The following TLN2 variants were observed in gnomAD, a reference collection of about 807,000 sequenced individuals.
TLN2 encodes the protein talin-2.
TLN2 carries 118 observed loss-of-function variants against 294.7 expected under a neutral mutation model. The observed-to-expected ratio is 0.40, with a 90% CI of 0.34 to 0.47. The LOEUF is 0.47. Among genes scored for constraint, TLN2 ranks in the 20% least tolerant of loss-of-function variants. The pLI is 0.84. For synonymous variants in TLN2, 1,431 were observed against 1,304.5 expected (o/e 1.10, Z -2.09); for missense variants, 3,083 against 3,282.2 (o/e 0.94, Z 1.48).
chr15:62,662,014 GTAATT>G (rs1384957288), intron 9 of TLN2, among the ~76,000 whole-genome samples: 2 of 152,038 alleles, frequency 1.3e-5, no homozygotes, highest in African/African-American at 4.8e-5. Flanking sequence ...TTTTAGTAAA[GTAATT>G]TAACATACTT....
chr15:62,549,170 T>C (rs2042151169), intron 1 of TLN2, among the ~76,000 whole-genome samples: 1 of 152,160 alleles, frequency 6.6e-6, no homozygotes, highest in African/African-American at 2.4e-5. Flanking sequence ...AGGGAGACCT[T>C]TCCTTCTTCC....
rs540176486 is a variant in TLN2 at position 62,524,936 on chromosome 15, G to A, written c.-237-64751G>A. 4.6e-5 allele frequency among the ~76,000 whole-genome samples: 7 copies of A among 152,284 alleles called. 1 individual carries two copies. The South Asian group carries it at 1.5e-3, about 32-fold the overall frequency. ...TCATTTTGCACTCAAGGGGAAAAAG[G>A]TCCATAAAGTTAGAATGATTTACCT... On this transcript the variant is annotated intron_variant, in intron 1 of 58. Coordinates refer to ENST00000636159, the MANE Select transcript of TLN2 (RefSeq NM_015059.3).
At chr15:62,465,104 G>GTTTTTTTTT (rs57890839) in intron 1 of TLN2, among the ~76,000 whole-genome samples, 7 of 85,514 alleles carry the variant, frequency 8.2e-5, no homozygotes, top group Admixed American at 1.6e-4. Flanking sequence ...TGGTGAGCGC[G>GTTTTTTTTT]TTTTTTTTTT....
chr15:62,575,434 T>C (rs986365229), intron 1 of TLN2, among the ~76,000 whole-genome samples: 1 of 152,216 alleles, frequency 6.6e-6, no homozygotes, highest in Non-Finnish European at 1.5e-5. Context: ...TCAGAATCAG[T>C]GTAAATCACT....
At chr15:62,734,322 A>C (rs1292071528) in intron 28 of TLN2, among the ~76,000 whole-genome samples, 2 of 152,226 alleles carry the variant, frequency 1.3e-5, no homozygotes, top group African/African-American at 4.8e-5. Flanking sequence ...ATGGGAAGAC[A>C]AGAGGAGAGG....
At chr15:62,808,739 A>T (rs2066468843) in intron 51 of TLN2, among the ~76,000 whole-genome samples, 1 of 152,198 alleles carries the variant, frequency 6.6e-6, no homozygotes, top group African/African-American at 2.4e-5. Context: ...GCACAGGGGT[A>T]TGAGGATGAA....
At chr15:62,647,707 A>G (rs1477901097) in intron 4 of TLN2, among the ~76,000 whole-genome samples, 2 of 152,238 alleles carry the variant, frequency 1.3e-5, no homozygotes, top group Admixed American at 6.5e-5. Flanking sequence ...TGCGGTTTAC[A>G]GATCACATTC....
chr15:62,738,149 C>T, intron 29 of TLN2, 65 bp from the exon 30 acceptor site: 1 of 1,575,142 alleles, frequency 6.3e-7, no homozygotes, highest in Non-Finnish European at 8.7e-7. Flanking sequence ...GTTTCACTGC[C>T]CATTCCCAAC....
At chr15:62,716,284 G>A (rs2059768081) in intron 22 of TLN2, 47 bp from the exon 23 acceptor site, 1 of 1,501,746 alleles carries the variant, frequency 6.7e-7, no homozygotes, top group Non-Finnish European at 8.9e-7. Context: ...TGAATTCAGT[G>A]ATGTCTCCTG....
chr15:62,517,676 A>T (rs1310437865), intron 1 of TLN2, among the ~76,000 whole-genome samples: 2 of 152,196 alleles, frequency 1.3e-5, no homozygotes, highest in South Asian at 2.1e-4. Flanking sequence ...ACACACCGCT[A>T]ATGTTATAAG....
intron 42 of TLN2, 62 bp from the exon 43 acceptor site, chr15:62,776,702 T>A: frequency 7.4e-7 from 1 of 1,343,842 alleles, no homozygotes; most frequent in South Asian, 2.2e-5. Context: ...TGAAGGTTAT[T>A]CTTAGAAGAC....
chr15:62,572,083 A>C (rs1026081523), intron 1 of TLN2, among the ~76,000 whole-genome samples: 2 of 152,040 alleles, frequency 1.3e-5, no homozygotes, highest in African/African-American at 4.8e-5. Context: ...CTTTTCCTCT[A>C]ATTCCCTGTT....
chr15:62,429,588 C>G (rs1034227281), intron 1 of TLN2, among the ~76,000 whole-genome samples: 38 of 152,168 alleles, frequency 2.5e-4, no homozygotes, highest in African/African-American at 8.2e-4. Context: ...TTTGGAGAAG[C>G]TAGAGAGAGG....
intron 32 of TLN2, among the ~76,000 whole-genome samples, chr15:62,746,955 G>A (rs2061648355): frequency 6.6e-6 from 1 of 152,168 alleles, no homozygotes; most frequent in South Asian, 2.1e-4. Flanking sequence ...TGTAAAGCTA[G>A]TCGTTAAGAC....
intron 32 of TLN2, among the ~76,000 whole-genome samples, chr15:62,744,759 C>A (rs1567512936): frequency 6.6e-6 from 1 of 152,092 alleles, no homozygotes; most frequent in Non-Finnish European, 1.5e-5. Context: ...GTTGGCCAGG[C>A]TGGTCTCAAA....
intron 19 of TLN2, among the ~76,000 whole-genome samples, chr15:62,703,251 C>T (rs929891327): frequency 5.9e-5 from 9 of 151,832 alleles, no homozygotes; most frequent in African/African-American, 9.7e-5. Flanking sequence ...TACAGGTGCA[C>T]GCCACCATGC....
intron 34 of TLN2, among the ~76,000 whole-genome samples, chr15:62,751,887 T>A (rs886985451): frequency 6.6e-6 from 1 of 152,242 alleles, no homozygotes; most frequent in Non-Finnish European, 1.5e-5. Context: ...GATCTCTATT[T>A]AAATTTTACT....
At chr15:62,445,895 C>T in intron 1 of TLN2, among the ~76,000 whole-genome samples, 1 of 152,158 alleles carries the variant, frequency 6.6e-6, no homozygotes, top group East Asian at 1.9e-4. Flanking sequence ...AACTCCTGGG[C>T]TCAAGGGATC....
intron 1 of TLN2, among the ~76,000 whole-genome samples, chr15:62,523,406 G>A (rs1420865938): frequency 6.6e-6 from 1 of 152,220 alleles, no homozygotes; most frequent in Non-Finnish European, 1.5e-5. Flanking sequence ...TAAGAGAAGG[G>A]GGTCAGAGGG....
Sources: gnomAD v4.1 joint callset for allele counts (sites outside exome capture counted in the v4.1 genomes callset) on GRCh38, gnomAD v4.1.1 for gene constraint, MANE v1.5 for transcripts, NCBI Gene and HGNC (gene_info 2026-07-23, HGNC 2026-07-21) for gene names.